The following FAM120AOS variants were observed in gnomAD, a reference collection of about 807,000 sequenced individuals.
FAM120AOS encodes uncharacterized protein FAM120AOS.
Under a neutral mutation model 20.2 loss-of-function variants are expected in FAM120AOS, and 15 were observed. The ratio of observed to expected loss-of-function variants is 0.74; its 90% CI spans 0.50 to 1.15. The LOEUF (loss-of-function observed/expected upper bound fraction) is 1.15, where lower values mean the gene tolerates loss of function less well. FAM120AOS is among the 50% of genes most tolerant of loss of function. The probability of loss-of-function intolerance (pLI) is 0.00; values close to 1 mark genes in which losing one functional copy is unlikely to be tolerated. For synonymous variants in FAM120AOS, 154 were observed against 154.0 expected, an observed-to-expected ratio of 1.00 and a Z score of 0.00; for missense variants, 327 against 351.9, an observed-to-expected ratio of 0.93 and a Z score of 0.57.
At position 93,443,831 on chromosome 9, in the gene FAM120AOS, C is replaced by T. The variant is rs115702959; in HGVS notation, c.*3780G>A. Among the ~76,000 whole-genome samples, 2,381 of 152,276 alleles carry T rather than the reference C, an allele frequency of 0.016. 68 individuals are homozygous for T. The highest frequency in any genetic ancestry group is 0.055 in the African/African-American group (2,285 of 41,536). On this transcript the variant is annotated 3_prime_UTR_variant, in exon 3 of 3. Coordinates refer to ENST00000375412, the MANE Select transcript of FAM120AOS (RefSeq NM_198841.4). Reference sequence around the variant, plus strand: ...TGGCACCCAGGGGGCCCCTTTTCCTCATCCTCTGGCTTAGAAAGATGGGCT... The same window carrying T: ...TGGCACCCAGGGGGCCCCTTTTCCTTATCCTCTGGCTTAGAAAGATGGGCT...
Position 93,452,638 on chromosome 9 carries a change from C to T in FAM120AOS, c.72G>A (p.Gln24=). The change falls in exon 1 of 3, where the codon CAG becomes CAA. Residue 24 remains glutamine (Q), a synonymous_variant. Coordinates refer to ENST00000375412, the MANE Select transcript of FAM120AOS (RefSeq NM_198841.4). This position sits in a 1 kb window ranked among gnomAD's most constrained non-coding sequence, Gnocchi z 7.0. ...GCGGCCGCGTGGGGACACTTGAGGG[C>T]TGGGAGAGAGCCCCGGACCAGAATT... ...ASEFWSGALS[Q]PSSVPTRPRT... The T allele has an allele frequency of 6.3e-7, 1 of 1,599,224 alleles. No individual in the cohort carries two copies. Among genetic ancestry groups the T allele is most frequent in the Non-Finnish European group, 8.5e-7 (1 of 1,179,916 alleles).
intron 2 of FAM120AOS, chr9:93,448,467 TG>T: frequency 4.5e-6 from 1 of 221,782 alleles, no homozygotes; most frequent in Non-Finnish European, 9.5e-6. Context: ...TACTCCAGCC[TG>T]GGCAACAGAG....
chr9:93,451,859 C>G, intron 1 of FAM120AOS: 1 of 1,012,548 alleles, frequency 9.9e-7, no homozygotes, highest in Admixed American at 5.9e-5. Context: ...CACGGCCCCA[C>G]CACCCCCGGC....
Position 93,452,609 on chromosome 9 carries a change from G to T in FAM120AOS, c.101C>A (p.Thr34Asn). The change falls in exon 1 of 3, where the codon ACC becomes AAC. Residue 34 changes from threonine (T) to asparagine (N), a missense_variant. By Grantham distance (65) the Thr-to-Asn change is moderately conservative. Transcript: ENST00000375412. This position sits in a 1 kb window ranked among gnomAD's most constrained non-coding sequence, Gnocchi z 7.0. The stretch of plus-strand genomic sequence containing the variant: ...CCGTCTCCAGCTGTCCCTGTTCGGG[G>T]TCCGCGGCCGCGTGGGGACACTTGA... ...QPSSVPTRPR[T>N]PNRDSWRRAW... 2 of 1,599,080 alleles carry T rather than the reference G, an allele frequency of 1.3e-6. No individual in the cohort carries two copies. The highest frequency in any genetic ancestry group is 4.5e-5 in the East Asian group (2 of 44,858).
chr9:93,445,973 G>A lies in FAM120AOS; in HGVS notation c.*1638C>T, dbSNP rs141303817. ...CACTTCTGAGTGCACTGATGCAGTA[G>A]ATGGATGTCTCAGATCCCTCAGCTC... is the stretch of plus-strand genomic sequence containing the variant. On this transcript the variant is annotated 3_prime_UTR_variant, in exon 3 of 3. Transcript: ENST00000375412. Among the ~76,000 whole-genome samples the A allele has an allele frequency of 6.6e-6, 1 of 152,168 alleles. No individual in the cohort carries two copies. Among genetic ancestry groups the A allele is most frequent in the African/African-American group, 2.4e-5 (1 of 41,430 alleles).
intron 2 of FAM120AOS, 154 bp downstream of exon 2, chr9:93,450,325 T>A: frequency 8.6e-7 from 1 of 1,160,660 alleles, no homozygotes; most frequent in Non-Finnish European, 1.2e-6. Flanking sequence ...CCTGGCTTTG[T>A]GACTAATTTT....
chr9:93,451,670 A>AGCCTCGGCCTCG (rs1171545170), intron 1 of FAM120AOS: 23 of 960,812 alleles, frequency 2.4e-5, no homozygotes, highest in Non-Finnish European at 2.8e-5. Flanking sequence ...CCCGGCCCTC[A>AGCCTCGGCCTCG]GCCTCGGCCT....
intron 1 of FAM120AOS, chr9:93,451,235 G>A: frequency 3.3e-6 from 5 of 1,522,694 alleles, no homozygotes; most frequent in Non-Finnish European, 4.4e-6. Context: ...TAGAAAGGCG[G>A]CGTCCCGACG....
In FAM120AOS at chr9:93,452,423, G is replaced by C. The variant is rs1391593993; in HGVS notation, c.287C>G (p.Pro96Arg). ...LGRGIGVRRG[P>R]GPRPARIPGL... is the part of the protein sequence containing the mutation. ...GGGGATCCGGGCGGGCCGGGGACCG[G>C]GGCCGCGCCGCACCCCTATCCCCCT... Residue 96 changes from proline to arginine, a missense_variant, in exon 1 of 3, where the codon CCC becomes CGC. Physicochemically the swap from Pro to Arg is moderately radical, Grantham distance 103 (BLOSUM62 -2). Around this residue, in one of 3 missense-constraint regions of FAM120AOS, gnomAD observed 86 missense variants for 140.2 expected, o/e 0.61. Transcript: ENST00000375412. This position sits in a 1 kb window ranked among gnomAD's most constrained non-coding sequence, Gnocchi z 7.0. 6.3e-7 allele frequency: 1 copy of C among 1,575,532 alleles called. No homozygotes were observed. The highest frequency in any genetic ancestry group is 2.3e-5 in the East Asian group (1 of 42,938).
In FAM120AOS at chr9:93,446,785, A is replaced by G. The variant is rs1290986481; in HGVS notation, c.*826T>C. ...TCTTCCACATAGATATTTTTGCATC[A>G]GCCCAAAGCTATTTGGACACAAGTT... On this transcript the variant is annotated 3_prime_UTR_variant, in exon 3 of 3. Transcript: ENST00000375412. The G allele has an allele frequency of 1.3e-5, 2 of 152,232 alleles. No individual in the cohort carries two copies. Among genetic ancestry groups the G allele is most frequent in the Non-Finnish European group, 2.9e-5 (2 of 68,054 alleles). The allele number at this position is 152,232 out of a possible 1,614,324, so 9.4% of individuals were successfully genotyped here.
intron 2 of FAM120AOS, among the ~76,000 whole-genome samples, 188 bp from the exon 3 acceptor site, chr9:93,447,885 T>C (rs1433023576): frequency 2.6e-5 from 4 of 152,242 alleles, no homozygotes; most frequent in Admixed American, 2.6e-4. Context: ...GATACACGGC[T>C]GCAGTGTGGT....
At chr9:93,449,564 T>C (rs1348517382) in intron 2 of FAM120AOS, among the ~76,000 whole-genome samples, 1 of 137,490 alleles carries the variant, frequency 7.3e-6, no homozygotes, top group Non-Finnish European at 1.5e-5. Flanking sequence ...GCGTGATCAC[T>C]GCAACCTCCA....
intron 1 of FAM120AOS, chr9:93,451,331 C>G (rs991819428): frequency 9.7e-6 from 14 of 1,436,284 alleles, no homozygotes; most frequent in Non-Finnish European, 1.2e-5. Flanking sequence ...TCCCCAGGAC[C>G]TGCTTCGCGG....
rs1414269652 is a variant in FAM120AOS, at chr9:93,453,215, GTATT to G, written c.-510_-507del. ...GATTTATTTTTCGGGTGCACAGTAA[GTATT>G]CAGTGACCTTCAGCGGTGCCCTGAC... On this transcript the variant is annotated 5_prime_UTR_variant, in exon 1 of 3. Coordinates refer to ENST00000375412, the MANE Select transcript of FAM120AOS (RefSeq NM_198841.4). 3.0e-6 allele frequency: 3 copies of G among 1,002,312 alleles called. No individual in the cohort carries two copies. Among genetic ancestry groups the G allele is most frequent in the Non-Finnish European group, 3.6e-6 (3 of 842,066 alleles). 62.1% of individuals were successfully genotyped at this position (1,002,312 alleles called of 1,614,324 possible). A position where few individuals can be genotyped will look rare whatever the true frequency, so the allele number is the denominator to read the frequency against.
rs1332707193 is a variant in FAM120AOS, at chr9:93,443,379, A to G, written c.*4232T>C. On this transcript the variant is annotated 3_prime_UTR_variant, in exon 3 of 3. Transcript: ENST00000375412. Reference sequence around the variant, plus strand: ...TTTCCTTATACATTTCTAACAGTACAAGATTATCAATGTTTTGACAATTTT... The same window carrying G: ...TTTCCTTATACATTTCTAACAGTACGAGATTATCAATGTTTTGACAATTTT... Among the ~76,000 whole-genome samples the G allele has an allele frequency of 2.6e-5, 4 of 152,242 alleles. No individual in the cohort carries two copies. Among genetic ancestry groups the G allele is most frequent in the African/African-American group, 7.2e-5 (3 of 41,462 alleles).
rs1588733348 is a variant in FAM120AOS, at chr9:93,444,353, C to T, written c.*3258G>A. ...CCGTGTCCAGCCTGACTAGGGTCAT[C>T]TTTAGGTCAGGACTGAGAGAGAAAA... On this transcript the variant is annotated 3_prime_UTR_variant, in exon 3 of 3. Transcript: ENST00000375412. Among the ~76,000 whole-genome samples, 1 of 151,958 alleles carries T rather than the reference C, an allele frequency of 6.6e-6. No homozygotes were observed. The highest frequency in any genetic ancestry group is 1.5e-5 in the Non-Finnish European group (1 of 67,978).
rs1249692114 is a variant in FAM120AOS, at chr9:93,451,385, C to G, written c.563+762G>C. On this transcript the variant is annotated intron_variant, in intron 1 of 2. Coordinates refer to ENST00000375412, the MANE Select transcript of FAM120AOS (RefSeq NM_198841.4). ...CCACCGGGCGGAGGCGGCGGCCTCTCTGGCCCTGCCGGGAACAGGGCGCAG... is the reference window on the plus strand; with the variant it reads ...CCACCGGGCGGAGGCGGCGGCCTCTGTGGCCCTGCCGGGAACAGGGCGCAG... The G allele has an allele frequency of 2.9e-6, 4 of 1,400,190 alleles. No homozygotes were observed. In the African/African-American group the frequency reaches 6.1e-5, roughly 21 times the overall value. The allele number at this position is 1,400,190 out of a possible 1,614,324, so 86.7% of individuals were successfully genotyped here.
intron 2 of FAM120AOS, among the ~76,000 whole-genome samples, chr9:93,449,455 T>G (rs1178372414): frequency 6.6e-6 from 1 of 150,540 alleles, no homozygotes; most frequent in African/African-American, 2.4e-5. Flanking sequence ...AAGGTGAAAA[T>G]AAATTTATTT....
intron 1 of FAM120AOS, chr9:93,451,801 A>G: frequency 4.4e-5 from 26 of 589,774 alleles, no homozygotes; most frequent in African/African-American, 7.2e-5. Context: ...GACCCGCCCC[A>G]GTCCCCCCTA....
Sources: allele counts gnomAD v4.1 joint callset (sites outside exome capture counted in the v4.1 genomes callset), GRCh38; gene constraint gnomAD v4.1.1; regional missense constraint gnomAD v4.1.1; non-coding constraint Gnocchi (gnomAD v3.1); transcripts MANE v1.5; gene names NCBI Gene and HGNC (gene_info 2026-07-23, HGNC 2026-07-21).